Variants in KIF1A observed in about 807,000 individuals in gnomAD.
KIF1A encodes the protein kinesin-like protein KIF1A.
A neutral mutation model predicts 227.3 loss-of-function variants in KIF1A; 46 were observed. The observed-to-expected ratio is 0.20, with a 90% CI of 0.16 to 0.26. The LOEUF is 0.26. KIF1A is among the 10% of genes least tolerant of loss of function. The pLI, the probability that KIF1A is intolerant of heterozygous loss-of-function variation, is 1.00. For missense variants in KIF1A, 1,683 were observed against 2,485.9 expected, an observed-to-expected ratio of 0.68 and a Z score of 6.87; for synonymous variants, 1,022 against 1,012.8, an observed-to-expected ratio of 1.01 and a Z score of -0.17.
chr2:240,789,111 A>C lies in KIF1A; in HGVS notation c.183+125T>G. 1 of 737,960 alleles carries C rather than the reference A, an allele frequency of 1.4e-6. No individual in the cohort carries two copies. Among genetic ancestry groups the C allele is most frequent in the South Asian group, 1.7e-5 (1 of 59,726 alleles). The allele number at this position is 737,960 out of a possible 1,614,324, so 45.7% of individuals were successfully genotyped here. ...ACCGCTCAGGGTGACCTTCCAGGGG[A>C]GCAGGGTGGGGTCCTCGCCCCAGTT... On this transcript the variant is annotated intron_variant, in intron 3 of 48. Coordinates refer to ENST00000498729, the MANE Select transcript of KIF1A (RefSeq NM_001244008.2). This position sits in a 1 kb window ranked among gnomAD's most constrained non-coding sequence, Gnocchi z 4.8.
chr2:240,804,569 G>C (rs2057227258), intron 1 of KIF1A, among the ~76,000 whole-genome samples: 1 of 152,134 alleles, frequency 6.6e-6, no homozygotes, highest in Non-Finnish European at 1.5e-5. Context: ...GAGACAAAAA[G>C]TGATGACTGG....
intron 38 of KIF1A, among the ~76,000 whole-genome samples, chr2:240,728,195 G>A (rs575378610): frequency 6.6e-6 from 1 of 152,340 alleles, no homozygotes; most frequent in Admixed American, 6.5e-5. Flanking sequence ...CACAAGTCGG[G>A]GGTGTGGAAG....
chr2:240,786,295 G>A, intron 6 of KIF1A, 40 bp downstream of exon 6: 2 of 1,593,344 alleles, frequency 1.3e-6, no homozygotes. Context: ...GAGGCGGCAG[G>A]ACAGGAGGGC....
In KIF1A at chr2:240,752,555, G is replaced by A. The variant is rs1464510477; in HGVS notation, c.2859-2008C>T. Among the ~76,000 whole-genome samples the A allele has an allele frequency of 6.6e-6, 1 of 152,130 alleles. No homozygotes were observed. Among genetic ancestry groups the A allele is most frequent in the Non-Finnish European group, 1.5e-5 (1 of 68,016 alleles). On this transcript the variant is annotated intron_variant, in intron 27 of 48. Transcript: ENST00000498729. The surrounding 1 kb of genome is among the most constrained non-coding windows in gnomAD (Gnocchi z 6.4). ...GCAAAGCTAAGTTGTCCAGGAGTGGGGGTGGGGAGAGCCAGAACTTGGGCC... is the reference window on the plus strand; with the variant it reads ...GCAAAGCTAAGTTGTCCAGGAGTGGAGGTGGGGAGAGCCAGAACTTGGGCC...
chr2:240,772,676 C>G lies in KIF1A; in HGVS notation c.1181-80G>C. 1.0e-5 allele frequency: 12 copies of G among 1,194,956 alleles called. No homozygotes were observed. In the South Asian group the frequency reaches 1.4e-4, roughly 14 times the overall value. The allele number at this position is 1,194,956 out of a possible 1,614,324, so 74.0% of individuals were successfully genotyped here. On this transcript the variant is annotated intron_variant, in intron 13 of 48. Transcript: ENST00000498729. ...GTTTGTCTCCAGAGGGTCAGGCACG[C>G]CTTTCACAGGCCAGGGTGGCCAGCA...
At position 240,740,231 on chromosome 2, in the gene KIF1A, G is replaced by A. The variant is rs948374374; in HGVS notation, c.3816+67C>T. 1.9e-6 allele frequency: 3 copies of A among 1,561,566 alleles called. No homozygotes were observed. The East Asian group carries it at 6.8e-5, about 35-fold the overall frequency. On this transcript the variant is annotated intron_variant, in intron 36 of 48. Coordinates refer to ENST00000498729, the MANE Select transcript of KIF1A (RefSeq NM_001244008.2). This position sits in a 1 kb window ranked among gnomAD's most constrained non-coding sequence, Gnocchi z 6.1. Reference sequence around the variant, plus strand: ...GGGACACAGGCAGGGTAGGGGCAGGGAGAGGCTCACACCTGGTGGGGTGGG... The same window carrying A: ...GGGACACAGGCAGGGTAGGGGCAGGAAGAGGCTCACACCTGGTGGGGTGGG...
At chr2:240,783,659 C>T in intron 8 of KIF1A, 80 bp downstream of exon 8, 1 of 1,175,084 alleles carries the variant, frequency 8.5e-7, no homozygotes, top group Non-Finnish European at 1.2e-6. Context: ...CCCCCGGGAC[C>T]CCAACAGAGC....
intron 17 of KIF1A, among the ~76,000 whole-genome samples, chr2:240,767,674 G>A (rs1559511535): frequency 6.6e-6 from 1 of 152,258 alleles, no homozygotes; most frequent in African/African-American, 2.4e-5. Flanking sequence ...TGGGGGCCCT[G>A]GGGCCCTCTG....
chr2:240,797,595 T>C (rs1448383812), intron 2 of KIF1A, 52 bp downstream of exon 2: 5 of 1,299,462 alleles, frequency 3.8e-6, no homozygotes, highest in South Asian at 3.7e-5. Flanking sequence ...CACAGGACCA[T>C]GGCCCCCAGC....
Position 240,719,917 on chromosome 2 carries a change from C to G in KIF1A, c.4878G>C (p.Gln1626His). The G allele has an allele frequency of 6.2e-7, 1 of 1,608,500 alleles. No homozygotes were observed. Among genetic ancestry groups the G allele is most frequent in the Non-Finnish European group, 8.5e-7 (1 of 1,178,456 alleles). ...RYGATDLRTP[Q>H]PCSRPASPEP... ...CTGGGCTGGCTGGCCGGGAGCAGGG[C>G]TGCGGGGTCCTGGGAAGCAGAGGGA... Residue 1626 changes from glutamine to histidine, a missense_variant, in exon 46 of 49, where the codon CAG becomes CAC. Coordinates refer to ENST00000498729, the MANE Select transcript of KIF1A (RefSeq NM_001244008.2).
intron 1 of KIF1A, among the ~76,000 whole-genome samples, chr2:240,802,830 A>G (rs1043956867): frequency 9.9e-5 from 15 of 152,060 alleles, no homozygotes; most frequent in African/African-American, 3.4e-4. Flanking sequence ...GGGTTTCACT[A>G]TGTTAGCCAG....
chr2:240,813,340 G>A (rs574292877), intron 1 of KIF1A, among the ~76,000 whole-genome samples: 42 of 152,346 alleles, frequency 2.8e-4, no homozygotes, highest in African/African-American at 9.4e-4. Context: ...TGGGAGAGGC[G>A]TTTCCTGGGA....
chr2:240,779,552 ACTCAGTTCCTCACTCAGTTC>A (rs2053303658), intron 10 of KIF1A, among the ~76,000 whole-genome samples: 2 of 138,056 alleles, frequency 1.4e-5, no homozygotes, highest in Admixed American at 7.3e-5. Context: ...TCATAGTTCC[ACTCAGTTCCTCACTCAGTTC>A]CTCAGTTCCT....
chr2:240,816,274 ATGTG>A (rs760728954), intron 1 of KIF1A, among the ~76,000 whole-genome samples: 2 of 151,548 alleles, frequency 1.3e-5, no homozygotes, highest in East Asian at 1.9e-4. Context: ...ATGAGCATGC[ATGTG>A]TGTGTATGAG....
At position 240,757,423 on chromosome 2, in the gene KIF1A, A is replaced by ATCCTCC. The variant is rs10594016; in HGVS notation, c.2748_2753dup (p.Glu916_Glu917dup). 4.9e-5 allele frequency: 73 copies of ATCCTCC among 1,482,742 alleles called. No individual in the cohort carries two copies. The highest frequency in any genetic ancestry group is 1.8e-4 in the Middle Eastern group (1 of 5,668). 91.8% of individuals were successfully genotyped at this position (1,482,742 alleles called of 1,614,324 possible). A position where few individuals can be genotyped will look rare whatever the true frequency, so the allele number is the denominator to read the frequency against. ...CGTCCTCCAGGTCCTCCTCCTCCTC[A>ATCCTCC]TCCTCCTCCTCCTCCTCCTCCTCCT... On this transcript the variant is annotated inframe_insertion, in exon 27 of 49. Transcript: ENST00000498729. The surrounding 1 kb of genome is among the most constrained non-coding windows in gnomAD (Gnocchi z 6.2).
intron 38 of KIF1A, among the ~76,000 whole-genome samples, chr2:240,732,783 AGGGG>A (rs1484075841): frequency 8.4e-5 from 1 of 11,948 alleles, no homozygotes; most frequent in African/African-American, 4.6e-4. Context: ...ATAAGGGATG[AGGGG>A]ATAAGGGATG....
chr2:240,752,090 G>T lies in KIF1A; in HGVS notation c.2859-1543C>A, dbSNP rs2049288487. Among the ~76,000 whole-genome samples, 1 of 151,944 alleles carries T rather than the reference G, an allele frequency of 6.6e-6. No homozygotes were observed. Among genetic ancestry groups the T allele is most frequent in the African/African-American group, 2.4e-5 (1 of 41,358 alleles). On this transcript the variant is annotated intron_variant, in intron 27 of 48. Transcript: ENST00000498729. The surrounding 1 kb of genome is among the most constrained non-coding windows in gnomAD (Gnocchi z 6.4). Reference sequence around the variant, plus strand: ...TCCAGGGGCCTGAAAGTCTCCTCAGGCCTCTCTCCGGGGGTAAAGGAAGCC... The same window carrying T: ...TCCAGGGGCCTGAAAGTCTCCTCAGTCCTCTCTCCGGGGGTAAAGGAAGCC...
intron 1 of KIF1A, among the ~76,000 whole-genome samples, chr2:240,808,392 C>T (rs1003321138): frequency 6.6e-6 from 1 of 152,158 alleles, no homozygotes; most frequent in African/African-American, 2.4e-5. Context: ...GGCACAGTGG[C>T]TCACACCTGT....
At chr2:240,720,343 C>T (rs1014202370) in intron 45 of KIF1A, 37 of 164,196 alleles carry the variant, frequency 2.3e-4, no homozygotes, top group African/African-American at 8.6e-4. Flanking sequence ...CATGGGCCCC[C>T]CACATGGGCC....
Sources: allele counts gnomAD v4.1 joint callset (sites outside exome capture counted in the v4.1 genomes callset), GRCh38; gene constraint gnomAD v4.1.1; non-coding constraint Gnocchi (gnomAD v3.1); transcripts MANE v1.5; gene names NCBI Gene and HGNC (gene_info 2026-07-23, HGNC 2026-07-21).